LIPH: variants seen among roughly 807,000 people sequenced by gnomAD.
The protein encoded by LIPH is lipase H, also known as lipase member H.
In LIPH, 32 loss-of-function variants were observed where a neutral mutation model predicts 47.6. The observed-to-expected ratio is 0.67, with a 90% CI of 0.51 to 0.90. LIPH has a LOEUF of 0.90. Among genes scored for constraint, LIPH ranks in the 40% least tolerant of loss-of-function variants. The probability of loss-of-function intolerance (pLI) is 0.00; values close to 1 mark genes in which losing one functional copy is unlikely to be tolerated. For missense variants in LIPH, 497 were observed against 541.4 expected (o/e 0.92, Z 0.81); for synonymous variants, 190 against 195.6 (o/e 0.97, Z 0.24).
intron 5 of LIPH, among the ~76,000 whole-genome samples, chr3:185,522,736 T>C (rs1719947091): frequency 6.6e-6 from 1 of 152,138 alleles, no homozygotes. Flanking sequence ...AGCTCACTTT[T>C]ATGTTGCCCT....
intron 1 of LIPH, among the ~76,000 whole-genome samples, chr3:185,543,189 A>G (rs1720767872): frequency 6.6e-6 from 1 of 152,238 alleles, no homozygotes. Flanking sequence ...AGCCTGGGCA[A>G]CAGAGCAAGA....
intron 1 of LIPH, among the ~76,000 whole-genome samples, chr3:185,542,977 G>A (rs1228097221): frequency 6.6e-6 from 1 of 152,112 alleles, no homozygotes; most frequent in Admixed American, 6.6e-5. Flanking sequence ...GGAGGCCAAG[G>A]CAGGCAGATC....
Position 185,549,712 on chromosome 3 carries a change from G to A in LIPH, c.49+2711C>T, listed in dbSNP as rs1022778169. On this transcript the variant is annotated intron_variant, in intron 1 of 9. Transcript: ENST00000296252. The stretch of plus-strand genomic sequence containing the variant: ...ACAGGGCGGGAAAATTTTTGAGACA[G>A]GGTCTTGTTCAGCCAGGCTGAAGTG... Among the ~76,000 whole-genome samples the A allele has an allele frequency of 2.6e-5, 4 of 152,108 alleles. No individual in the cohort carries two copies. In the East Asian group the frequency reaches 7.7e-4, roughly 29 times the overall value.
At chr3:185,521,027 T>A (rs892270591) in intron 5 of LIPH, among the ~76,000 whole-genome samples, 1 of 151,926 alleles carries the variant, frequency 6.6e-6, no homozygotes, top group African/African-American at 2.4e-5. Context: ...GTACCACCAC[T>A]TCCGGCTAAT....
At chr3:185,551,793 T>C (rs1285781364) in intron 1 of LIPH, among the ~76,000 whole-genome samples, 1 of 152,130 alleles carries the variant, frequency 6.6e-6, no homozygotes, top group African/African-American at 2.4e-5. Flanking sequence ...CCTAAAAAGG[T>C]TGCAAAGTGT....
chr3:185,539,115 C>T lies in LIPH; in HGVS notation c.50-3983G>A, dbSNP rs188736070. On this transcript the variant is annotated intron_variant, in intron 1 of 9. Coordinates refer to ENST00000296252, the MANE Select transcript of LIPH (RefSeq NM_139248.3). Reference sequence around the variant, plus strand: ...TCCCAAGTAGCTGGGACTACAGGCGCGTGCCATCATGCCCAGCTAATTTTT... The same window carrying T: ...TCCCAAGTAGCTGGGACTACAGGCGTGTGCCATCATGCCCAGCTAATTTTT... Among the ~76,000 whole-genome samples, 732 of 151,746 alleles carry T rather than the reference C, an allele frequency of 4.8e-3. 3 individuals carry two copies. Among genetic ancestry groups the T allele is most frequent in the Non-Finnish European group, 5.9e-3 (404 of 67,964 alleles).
chr3:185,545,428 G>A (rs1032532515), intron 1 of LIPH, among the ~76,000 whole-genome samples: 1 of 152,136 alleles, frequency 6.6e-6, no homozygotes, highest in South Asian at 2.1e-4. Flanking sequence ...ATGCATGGTC[G>A]CCTGCAGGTC....
intron 5 of LIPH, 33 bp downstream of exon 5, chr3:185,524,038 T>C (rs1560161480): frequency 6.7e-7 from 1 of 1,484,714 alleles, no homozygotes; most frequent in Non-Finnish European, 9.4e-7. Flanking sequence ...TATGCCTTTT[T>C]ATACCACTAT....
chr3:185,511,575 T>C lies in LIPH; in HGVS notation c.1217A>G (p.Tyr406Cys), dbSNP rs762643917. 4.3e-6 allele frequency: 7 copies of C among 1,614,158 alleles called. No individual in the cohort carries two copies. The highest frequency in any genetic ancestry group is 5.9e-6 in the Non-Finnish European group (7 of 1,180,002). ...FSTGSLIGPR[Y>C]KLRILRMKLR... ...CTTCATTCGGAGAATCCTGAGCTTG[T>C]ACCTTGGGCCTATTAGAGATCCTGT... Residue 406 changes from tyrosine (Y) to cysteine (C), a missense_variant, in exon 9 of 10, where the codon TAC (tyrosine) becomes TGC (cysteine). Tyr to Cys is a radical substitution (Grantham distance 194). Coordinates refer to ENST00000296252, the MANE Select transcript of LIPH (RefSeq NM_139248.3).
At chr3:185,534,624 C>T in intron 2 of LIPH, 141 bp downstream of exon 2, 1 of 789,776 alleles carries the variant, frequency 1.3e-6, no homozygotes, top group Non-Finnish European at 2.1e-6. Context: ...CCCCTCATCC[C>T]ACCTTCCCTG....
At chr3:185,550,493 A>G (rs1721018250) in intron 1 of LIPH, among the ~76,000 whole-genome samples, 1 of 152,188 alleles carries the variant, frequency 6.6e-6, no homozygotes, top group Non-Finnish European at 1.5e-5. Context: ...AAAGACTGGA[A>G]GAAGGTACCC....
At chr3:185,538,834 TACATATATAC>T (rs893456426) in intron 1 of LIPH, among the ~76,000 whole-genome samples, 4 of 41,018 alleles carry the variant, frequency 9.8e-5, no homozygotes, top group African/African-American at 2.8e-4. Context: ...TATACATATA[TACATATATAC>T]ACATATATAT....
At chr3:185,533,988 C>T (rs1720420644) in intron 2 of LIPH, among the ~76,000 whole-genome samples, 1 of 152,156 alleles carries the variant, frequency 6.6e-6, no homozygotes, top group African/African-American at 2.4e-5. Context: ...CCGTGGGAGG[C>T]CGAGGCGGGC....
intron 6 of LIPH, among the ~76,000 whole-genome samples, chr3:185,518,697 G>GA (rs1182344818): frequency 6.6e-6 from 1 of 151,776 alleles, no homozygotes; most frequent in Non-Finnish European, 1.5e-5. Context: ...TTCTTTTTAA[G>GA]AAATTTTTTT....
chr3:185,527,905 A>G (rs927053527), intron 3 of LIPH, among the ~76,000 whole-genome samples: 8 of 151,038 alleles, frequency 5.3e-5, no homozygotes, highest in Non-Finnish European at 8.8e-5. Context: ...GGTCCCCAGG[A>G]AAAAAGCACC....
At chr3:185,519,104 C>A (rs375652726) in intron 6 of LIPH, 38 bp downstream of exon 6, 8 of 1,576,576 alleles carry the variant, frequency 5.1e-6, no homozygotes, top group Non-Finnish European at 7.0e-6. Context: ...AAAATTAGTT[C>A]TTTGTGAATC....
At chr3:185,544,347 TTG>T in intron 1 of LIPH, among the ~76,000 whole-genome samples, 4 of 151,750 alleles carry the variant, frequency 2.6e-5, no homozygotes, top group African/African-American at 7.3e-5. Context: ...TTGTTTTTTT[TTG>T]TTTTGTTTTG....
intron 3 of LIPH, among the ~76,000 whole-genome samples, chr3:185,531,815 C>A (rs1353825506): frequency 1.3e-5 from 2 of 152,050 alleles, no homozygotes; most frequent in African/African-American, 4.8e-5. Context: ...AGTGAGATTT[C>A]CTTTTTTGTT....
chr3:185,511,935 G>T (rs1388623596), intron 8 of LIPH, among the ~76,000 whole-genome samples: 5 of 151,526 alleles, frequency 3.3e-5, no homozygotes, highest in Non-Finnish European at 5.9e-5. Context: ...TCCAAAGGGC[G>T]ATGTAAGTGA....
Sources: gnomAD v4.1 joint callset for allele counts (sites outside exome capture counted in the v4.1 genomes callset) on GRCh38, gnomAD v4.1.1 for gene constraint, MANE v1.5 for transcripts, NCBI Gene and HGNC (gene_info 2026-07-23, HGNC 2026-07-21) for gene names.